KCND2: variants seen among roughly 807,000 people sequenced by gnomAD.
KCND2 encodes A-type voltage-gated potassium channel KCND2.
A neutral mutation model predicts 54.4 loss-of-function variants in KCND2; 16 were observed. The observed-to-expected ratio is 0.29, with a 90% CI of 0.20 to 0.45. KCND2 has a LOEUF of 0.45. Among genes scored for constraint, KCND2 ranks in the 20% least tolerant of loss-of-function variants. KCND2 has a pLI of 1.00. For missense variants in KCND2, 486 were observed against 824.2 expected (o/e 0.59, Z 5.02); for synonymous variants, 317 against 310.7 (o/e 1.02, Z -0.21).
chr7:120,744,665 G>A (rs967942052), intron 4 of KCND2, among the ~76,000 whole-genome samples: 1 of 152,040 alleles, frequency 6.6e-6, no homozygotes, highest in Admixed American at 6.6e-5. Flanking sequence ...CAAAATGCTT[G>A]TCTCAGCAAA....
At chr7:120,397,746 C>T (rs1801174933) in intron 1 of KCND2, among the ~76,000 whole-genome samples, 1 of 151,372 alleles carries the variant, frequency 6.6e-6, no homozygotes, top group Admixed American at 6.6e-5. Context: ...TAACATTGTT[C>T]CCCATATGAT....
chr7:120,647,083 G>A (rs111287043), intron 1 of KCND2, among the ~76,000 whole-genome samples: 128 of 152,162 alleles, frequency 8.4e-4, no homozygotes, highest in African/African-American at 2.9e-3. Flanking sequence ...ATAATACCAG[G>A]TCTTGAACTG....
intron 1 of KCND2, 147 bp downstream of exon 1, chr7:120,275,894 C>T (rs564959011): frequency 2.3e-6 from 2 of 879,926 alleles, no homozygotes; most frequent in East Asian, 5.2e-5. Flanking sequence ...TGGCAAAACT[C>T]TTTTCATCTG....
intron 1 of KCND2, among the ~76,000 whole-genome samples, chr7:120,654,916 C>G (rs1791782660): frequency 6.6e-6 from 1 of 151,884 alleles, no homozygotes; most frequent in Non-Finnish European, 1.5e-5. Flanking sequence ...CACAATGGTG[C>G]CAGAGAAGAT....
At chr7:120,624,486 A>G (rs1018531117) in intron 1 of KCND2, among the ~76,000 whole-genome samples, 3 of 152,184 alleles carry the variant, frequency 2.0e-5, no homozygotes, top group Non-Finnish European at 4.4e-5. Flanking sequence ...GAAATTATTA[A>G]AAACCCATGG....
chr7:120,607,619 A>C (rs932162234), intron 1 of KCND2, among the ~76,000 whole-genome samples: 1 of 152,152 alleles, frequency 6.6e-6, no homozygotes. Flanking sequence ...ATAAATACAG[A>C]TTATTCCCAA....
At chr7:120,366,151 C>T (rs1327983497) in intron 1 of KCND2, among the ~76,000 whole-genome samples, 1 of 151,870 alleles carries the variant, frequency 6.6e-6, no homozygotes, top group Non-Finnish European at 1.5e-5. Flanking sequence ...TAACTAAATA[C>T]AAGCAGGGTA....
intron 1 of KCND2, among the ~76,000 whole-genome samples, chr7:120,355,200 T>C (rs1031173204): frequency 2.0e-5 from 3 of 152,176 alleles, no homozygotes. Context: ...CTACTGGCAT[T>C]GTAATTACCC....
chr7:120,697,477 C>G (rs1792346085), intron 1 of KCND2, among the ~76,000 whole-genome samples: 1 of 152,028 alleles, frequency 6.6e-6, no homozygotes, highest in Non-Finnish European at 1.5e-5. Context: ...AGTCCCTAGT[C>G]TGATATGCTA....
At chr7:120,742,448 G>A in intron 3 of KCND2, 62 bp from the exon 4 acceptor site, 1 of 1,287,814 alleles carries the variant, frequency 7.8e-7, no homozygotes, top group Non-Finnish European at 1.1e-6. Context: ...GAAATATGTA[G>A]CCGAGGTTCG....
chr7:120,737,033 C>A, intron 2 of KCND2, among the ~76,000 whole-genome samples: 1 of 117,892 alleles, frequency 8.5e-6, no homozygotes, highest in Admixed American at 9.4e-5. Flanking sequence ...ATCTGGAAAG[C>A]TTACACACAC....
At chr7:120,493,066 C>CACCTTGGGTGACACTAAT (rs1235420264) in intron 1 of KCND2, among the ~76,000 whole-genome samples, 3 of 152,038 alleles carry the variant, frequency 2.0e-5, no homozygotes, top group Admixed American at 2.0e-4. Flanking sequence ...TGAATACCAT[C>CACCTTGGGTGACACTAAT]ACCTTGGGTG....
chr7:120,476,395 A>G (rs1373965613), intron 1 of KCND2, among the ~76,000 whole-genome samples: 1 of 152,228 alleles, frequency 6.6e-6, no homozygotes, highest in Non-Finnish European at 1.5e-5. Context: ...GTTCAGTATC[A>G]TAACTCCAGA....
chr7:120,300,537 T>C (rs904639529), intron 1 of KCND2, among the ~76,000 whole-genome samples: 1 of 152,140 alleles, frequency 6.6e-6, no homozygotes, highest in East Asian at 1.9e-4. Flanking sequence ...TTAAAATATA[T>C]AGTGAACATG....
intron 1 of KCND2, among the ~76,000 whole-genome samples, chr7:120,595,766 G>A (rs1390094183): frequency 1.3e-5 from 2 of 151,662 alleles, no homozygotes; most frequent in African/African-American, 4.8e-5. Flanking sequence ...TTAAAATGAT[G>A]GACTGAGTTT....
chr7:120,397,993 G>GTATA (rs1270652807), intron 1 of KCND2, among the ~76,000 whole-genome samples: 127 of 39,904 alleles, frequency 3.2e-3, no homozygotes, highest in African/African-American at 6.1e-3. Flanking sequence ...GTGTGTGTGT[G>GTATA]TGTATATATA....
chr7:120,351,244 G>GTGTGTA lies in KCND2; in HGVS notation c.1115+75498_1115+75499insGTGTAT, dbSNP rs376321316. ...CATCATATTATATATTTATATGTGT[G>GTGTGTA]TATATATATATATATATATATATCC... On this transcript the variant is annotated intron_variant, in intron 1 of 5. Coordinates refer to ENST00000331113, the MANE Select transcript of KCND2 (RefSeq NM_012281.3). Among the ~76,000 whole-genome samples, 290 of 137,338 alleles carry GTGTGTA rather than the reference G, an allele frequency of 2.1e-3. 1 individual carries two copies. The highest frequency in any genetic ancestry group is 4.5e-3 in the African/African-American group (166 of 36,810). The allele number at this position is 137,338 out of a possible 152,430, so 90.1% of individuals were successfully genotyped here.
intron 1 of KCND2, among the ~76,000 whole-genome samples, chr7:120,318,330 A>G (rs569053595): frequency 2.1e-4 from 32 of 152,152 alleles, no homozygotes; most frequent in Non-Finnish European, 4.4e-4. Flanking sequence ...TACATATAAA[A>G]TTTGATTTAT....
At chr7:120,617,104 G>A (rs1281685617) in intron 1 of KCND2, among the ~76,000 whole-genome samples, 1 of 152,152 alleles carries the variant, frequency 6.6e-6, no homozygotes, top group Non-Finnish European at 1.5e-5. Flanking sequence ...TTCTAGGTGT[G>A]CCGCATGGGT....
Sources: allele counts gnomAD v4.1 joint callset (sites outside exome capture counted in the v4.1 genomes callset), GRCh38; gene constraint gnomAD v4.1.1; transcripts MANE v1.5; gene names NCBI Gene and HGNC (gene_info 2026-07-23, HGNC 2026-07-21).